Variants in ANKRD11 observed in about 807,000 individuals in gnomAD.
ANKRD11 encodes the protein ankyrin repeat domain-containing protein 11.
Under a neutral mutation model 195.7 loss-of-function variants are expected in ANKRD11, and 17 were observed. The ratio of observed to expected loss-of-function variants is 0.09; its 90% CI spans 0.06 to 0.13. The LOEUF (loss-of-function observed/expected upper bound fraction) is 0.13. Among genes scored for constraint, ANKRD11 ranks in the 10% least tolerant of loss-of-function variants. The pLI is 1.00. For synonymous variants in ANKRD11, 1,953 were observed against 1,528.1 expected, an observed-to-expected ratio of 1.28 and a Z score of -6.49; for missense variants, 3,735 against 3,566.1, an observed-to-expected ratio of 1.05 and a Z score of -1.21.
At chr16:89,380,756 C>T (rs1384354557) in intron 2 of ANKRD11, among the ~76,000 whole-genome samples, 1 of 152,224 alleles carries the variant, frequency 6.6e-6, no homozygotes, top group South Asian at 2.1e-4. Context: ...AGCTGGAGGC[C>T]TCGTGGGGCA....
At position 89,286,101 on chromosome 16, in the gene ANKRD11, G is replaced by A; in HGVS notation, c.830C>T (p.Pro277Leu). 4 of 1,614,232 alleles carry A rather than the reference G, an allele frequency of 2.5e-6. No individual in the cohort carries two copies. The highest frequency in any genetic ancestry group is 2.5e-6 in the Non-Finnish European group (3 of 1,180,044). The part of the protein sequence containing the change: ...GETPLKVANS[P>L]TMVNLLLGKG... ...GCCTAACAGGAGGTTCACCATCGTG[G>A]GGGAGTTGGCCACTTTCAGCGGCGT... The change falls in exon 8 of 13, where the codon CCC becomes CTC. Residue 277 changes from proline to leucine, a missense_variant. Physicochemically the swap from Pro to Leu is moderately conservative, Grantham distance 98 (BLOSUM62 -3). Transcript: ENST00000301030.
At chr16:89,477,528 T>C (rs2057299937) in intron 1 of ANKRD11, among the ~76,000 whole-genome samples, 1 of 151,900 alleles carries the variant, frequency 6.6e-6, no homozygotes, top group African/African-American at 2.4e-5. Context: ...GCTAATTTTT[T>C]GTATTTTTAG....
chr16:89,484,607 C>A (rs2057546007), intron 1 of ANKRD11, among the ~76,000 whole-genome samples: 1 of 152,132 alleles, frequency 6.6e-6, no homozygotes, highest in Non-Finnish European at 1.5e-5. Flanking sequence ...ACTATCAATG[C>A]ACCAAGAAAA....
Position 89,268,220 on chromosome 16 carries a change from C to G in ANKRD11, c.*258G>C. Reference sequence around the variant, plus strand: ...GCCGTGTGTGCGCGCCCGGCATGGTCTCCTCATCCCGCCGGGGCCAGTGAG... The same window carrying G: ...GCCGTGTGTGCGCGCCCGGCATGGTGTCCTCATCCCGCCGGGGCCAGTGAG... On this transcript the variant is annotated 3_prime_UTR_variant, in exon 13 of 13. Coordinates refer to ENST00000301030, the MANE Select transcript of ANKRD11 (RefSeq NM_013275.6). 2 of 249,652 alleles carry G rather than the reference C, an allele frequency of 8.0e-6. No individual in the cohort carries two copies. The highest frequency in any genetic ancestry group is 1.4e-5 in the Non-Finnish European group (2 of 139,404). 15.5% of individuals were successfully genotyped at this position (249,652 alleles called of 1,614,324 possible). A position where few individuals can be genotyped will look rare whatever the true frequency, so the allele number is the denominator to read the frequency against.
chr16:89,276,854 G>A (rs935981715), intron 9 of ANKRD11, among the ~76,000 whole-genome samples: 1 of 152,072 alleles, frequency 6.6e-6, no homozygotes, highest in African/African-American at 2.4e-5. Context: ...TCAGGAGTTT[G>A]AGACCAGCCT....
chr16:89,283,269 G>A lies in ANKRD11; in HGVS notation c.3273C>T (p.Phe1091=), dbSNP rs1194808663. 1 of 1,613,992 alleles carries A rather than the reference G, an allele frequency of 6.2e-7. No individual in the cohort carries two copies. Among genetic ancestry groups the A allele is most frequent in the Non-Finnish European group, 8.5e-7 (1 of 1,180,008 alleles). ...AGAAGTCTTCTGAGATGATCCCAGG[G>A]AAAGCCTTCTCCTTCTTCTCTTTCC... ...DQGKEKKEKA[F]PGIISEDFSE... The change falls in exon 9 of 13, where the codon TTC becomes TTT. Residue 1091 remains phenylalanine, a synonymous_variant. Coordinates refer to ENST00000301030, the MANE Select transcript of ANKRD11 (RefSeq NM_013275.6). This position sits in a 1 kb window ranked among gnomAD's most constrained non-coding sequence, Gnocchi z 4.3.
intron 2 of ANKRD11, among the ~76,000 whole-genome samples, chr16:89,363,920 A>T (rs1407600722): frequency 6.6e-6 from 1 of 152,172 alleles, no homozygotes; most frequent in East Asian, 1.9e-4. Flanking sequence ...TTACCCAGGT[A>T]TGATGGCATA....
intron 1 of ANKRD11, among the ~76,000 whole-genome samples, chr16:89,435,980 C>G (rs1368970572): frequency 6.6e-6 from 1 of 152,194 alleles, no homozygotes. Flanking sequence ...GTGCTGAGCA[C>G]GCCCACCAGC....
At chr16:89,471,657 C>T (rs1231916823) in intron 1 of ANKRD11, among the ~76,000 whole-genome samples, 1 of 151,712 alleles carries the variant, frequency 6.6e-6, no homozygotes, top group Non-Finnish European at 1.5e-5. Flanking sequence ...TGGTGGCGGA[C>T]ACCTGTAATC....
intron 1 of ANKRD11, among the ~76,000 whole-genome samples, chr16:89,478,632 T>C (rs1441324335): frequency 1.3e-5 from 2 of 152,202 alleles, no homozygotes; most frequent in African/African-American, 4.8e-5. Flanking sequence ...CGAAGCTGCC[T>C]GTACAGGCCA....
At chr16:89,432,944 ATCTCTCTC>A (rs56770747) in intron 1 of ANKRD11, among the ~76,000 whole-genome samples, 14,962 of 108,680 alleles carry the variant, frequency 0.14, 809 homozygotes, top group Non-Finnish European at 0.16. Flanking sequence ...CAGAGACCCT[ATCTCTCTC>A]TCTCTCTCTC....
intron 2 of ANKRD11, among the ~76,000 whole-genome samples, chr16:89,347,555 G>A (rs193232259): frequency 1.5e-3 from 230 of 148,924 alleles, no homozygotes; most frequent in African/African-American, 2.7e-3. Context: ...AGGTTGCAGC[G>A]AGCCAAGATC....
intron 9 of ANKRD11, chr16:89,278,465 G>C: frequency 2.2e-6 from 1 of 452,032 alleles, no homozygotes; most frequent in Non-Finnish European, 4.4e-6. Flanking sequence ...GAGTGGGGGT[G>C]ATTCCGAGAT....
At chr16:89,307,561 C>T (rs1318122922) in intron 3 of ANKRD11, among the ~76,000 whole-genome samples, 1 of 152,112 alleles carries the variant, frequency 6.6e-6, no homozygotes, top group Non-Finnish European at 1.5e-5. Context: ...AGGAACGTAA[C>T]ACCCACCCCA....
chr16:89,409,260 G>A (rs1284010965), intron 2 of ANKRD11, among the ~76,000 whole-genome samples: 1 of 152,182 alleles, frequency 6.6e-6, no homozygotes, highest in African/African-American at 2.4e-5. Context: ...ACCAAGTCCT[G>A]GTGTTAGAAT....
Position 89,410,304 on chromosome 16 carries a change from C to T in ANKRD11, c.-60+7980G>A, listed in dbSNP as rs995065650. Among the ~76,000 whole-genome samples the T allele has an allele frequency of 1.9e-4, 29 of 152,092 alleles. 1 individual carries two copies. Among genetic ancestry groups the T allele is most frequent in the African/African-American group, 7.0e-4 (29 of 41,394 alleles). On this transcript the variant is annotated intron_variant, in intron 2 of 12. Coordinates refer to ENST00000301030, the MANE Select transcript of ANKRD11 (RefSeq NM_013275.6). ...TCCCCAAAAGCTGTAGTTAGTAAGC[C>T]ACCAGGATTTGATATTTAGAAACTT...
Position 89,282,879 on chromosome 16 carries a change from C to T in ANKRD11, c.3663G>A (p.Lys1221=), listed in dbSNP as rs763361292. The part of the protein sequence containing the change: ...KESTEKYKDR[K]DRASVDSTQD... Reference sequence around the variant, plus strand: ...GCGTGGAGTCCACTGAGGCTCTGTCCTTCCTGTCCTTGTACTTTTCTGTGG... The same window carrying T: ...GCGTGGAGTCCACTGAGGCTCTGTCTTTCCTGTCCTTGTACTTTTCTGTGG... The change falls in exon 9 of 13, where the codon AAG becomes AAA. Residue 1221 remains lysine, a synonymous_variant. Transcript: ENST00000301030. 12 of 1,612,744 alleles carry T rather than the reference C, an allele frequency of 7.4e-6. No individual in the cohort carries two copies. In the East Asian group the frequency reaches 2.7e-4, roughly 36 times the overall value.
intron 3 of ANKRD11, among the ~76,000 whole-genome samples, chr16:89,309,646 G>A (rs2036500657): frequency 6.6e-6 from 1 of 152,240 alleles, no homozygotes; most frequent in African/African-American, 2.4e-5. Context: ...CCACCAGGAA[G>A]GCGGCTCCCA....
chr16:89,319,154 T>C (rs1348657858), intron 2 of ANKRD11, among the ~76,000 whole-genome samples: 4 of 152,210 alleles, frequency 2.6e-5, no homozygotes, highest in Admixed American at 6.6e-5. Context: ...TCCACCGTCC[T>C]GATCCCAGAT....
Sources: allele counts gnomAD v4.1 joint callset (sites outside exome capture counted in the v4.1 genomes callset), GRCh38; gene constraint gnomAD v4.1.1; non-coding constraint Gnocchi (gnomAD v3.1); transcripts MANE v1.5; gene names NCBI Gene and HGNC (gene_info 2026-07-23, HGNC 2026-07-21).